The following TTLL9 variants were observed in gnomAD, a reference collection of about 807,000 sequenced individuals.
TTLL9 encodes tubulin tyrosine ligase like 9, also known as probable tubulin polyglutamylase TTLL9.
TTLL9 carries 47 observed loss-of-function variants against 65.6 expected under a neutral mutation model. The observed-to-expected ratio is 0.72, with a 90% CI of 0.57 to 0.91. The LOEUF is 0.91. Among genes scored for constraint, TTLL9 ranks in the 40% least tolerant of loss-of-function variants. The pLI is 0.00. For missense variants in TTLL9, 537 were observed against 568.8 expected, an observed-to-expected ratio of 0.94 and a Z score of 0.57; for synonymous variants, 179 against 204.8, an observed-to-expected ratio of 0.87 and a Z score of 1.07.
intron 2 of TTLL9, among the ~76,000 whole-genome samples, chr20:31,875,482 T>C (rs1182565769): frequency 2.0e-5 from 3 of 152,138 alleles, no homozygotes. Flanking sequence ...CTCCACTCTT[T>C]CCTAGTTACT....
chr20:31,911,826 C>CTGTGCG (rs942440456), intron 6 of TTLL9, among the ~76,000 whole-genome samples: 3 of 121,908 alleles, frequency 2.5e-5, no homozygotes, highest in Non-Finnish European at 5.1e-5. Flanking sequence ...CTCGGTGTGT[C>CTGTGCG]TGTGCGTGTG....
chr20:31,902,419 C>G (rs766586603), intron 4 of TTLL9, among the ~76,000 whole-genome samples: 1 of 152,094 alleles, frequency 6.6e-6, no homozygotes. Flanking sequence ...CTCGCTGTGT[C>G]GCCCAGGCTG....
chr20:31,901,451 T>C (rs750641496), intron 4 of TTLL9: 2 of 152,220 alleles, frequency 1.3e-5, no homozygotes, highest in Non-Finnish European at 2.9e-5. Context: ...GGCAATTTGA[T>C]GTCTTCCTGG....
In TTLL9 at chr20:31,908,616, T is replaced by G; in HGVS notation, c.232T>G (p.Cys78Gly). Residue 78 changes from cysteine (C) to glycine (G), a missense_variant, in exon 5 of 15, where the codon TGT becomes GGT. Cys to Gly is a radical substitution (Grantham distance 159). Transcript: ENST00000535842. Reference protein sequence around the residue: ...KDEGEWDFYWCDVSWLRENFD... With the variant: ...KDEGEWDFYWGDVSWLRENFD... ...CGAAGGGGAGTGGGATTTCTACTGG[T>G]GTGACGTCAGCTGGCTCCGGGAGAA... 1.2e-6 allele frequency: 2 copies of G among 1,601,008 alleles called. No individual in the cohort carries two copies. The highest frequency in any genetic ancestry group is 1.7e-6 in the Non-Finnish European group (2 of 1,171,542).
At chr20:31,876,785 C>T (rs532488702) in intron 2 of TTLL9, among the ~76,000 whole-genome samples, 3 of 152,198 alleles carry the variant, frequency 2.0e-5, no homozygotes, top group Non-Finnish European at 4.4e-5. Context: ...CGTTTCCCCA[C>T]GTCCTCACTA....
chr20:31,938,617 C>T (rs1009852689), intron 13 of TTLL9, among the ~76,000 whole-genome samples: 9 of 152,196 alleles, frequency 5.9e-5, no homozygotes, highest in African/African-American at 2.2e-4. Flanking sequence ...GTGGCTCACG[C>T]CTGTAATCCC....
At chr20:31,916,052 G>A (rs953536551) in intron 6 of TTLL9, among the ~76,000 whole-genome samples, 1 of 152,080 alleles carries the variant, frequency 6.6e-6, no homozygotes. Context: ...CTCACTGGCT[G>A]GGCTAGCAAG....
At chr20:31,887,855 C>CCTGTTCTCTTCTCTTCTCTT (rs1555807860) in intron 3 of TTLL9, among the ~76,000 whole-genome samples, 1 of 114,926 alleles carries the variant, frequency 8.7e-6, no homozygotes, top group East Asian at 2.5e-4. Flanking sequence ...TATCTCCTCT[C>CCTGTTCTCTTCTCTTCTCTT]CTCTTCTCTT....
At chr20:31,882,164 C>T (rs1045867120) in intron 2 of TTLL9, among the ~76,000 whole-genome samples, 6 of 152,254 alleles carry the variant, frequency 3.9e-5, no homozygotes, top group Admixed American at 6.5e-5. Context: ...GGTCAGAATA[C>T]CGCGTGTTCC....
At chr20:31,923,453 G>T (rs1312794190) in intron 8 of TTLL9, among the ~76,000 whole-genome samples, 1 of 152,216 alleles carries the variant, frequency 6.6e-6, no homozygotes, top group Non-Finnish European at 1.5e-5. Context: ...GTCCCATGCA[G>T]TGCTGGGTGC....
At chr20:31,907,586 T>C (rs764631085) in intron 4 of TTLL9, among the ~76,000 whole-genome samples, 2 of 152,046 alleles carry the variant, frequency 1.3e-5, no homozygotes, top group Admixed American at 6.6e-5. Flanking sequence ...CCAGTTGCGG[T>C]GGTGGGCACC....
At chr20:31,922,490 C>A (rs2063828921) in intron 7 of TTLL9, among the ~76,000 whole-genome samples, 1 of 152,206 alleles carries the variant, frequency 6.6e-6, no homozygotes, top group Admixed American at 6.5e-5. Flanking sequence ...CCCCATCTAC[C>A]TTCTATCTCT....
At chr20:31,871,087 TCTCA>T in intron 1 of TTLL9, 31 bp from the exon 2 acceptor site, 1 of 1,595,224 alleles carries the variant, frequency 6.3e-7, no homozygotes, top group Non-Finnish European at 8.6e-7. Context: ...TCATCCATCC[TCTCA>T]CTCCTTCCTT....
At chr20:31,930,369 G>A (rs973541764) in intron 10 of TTLL9, among the ~76,000 whole-genome samples, 1 of 152,114 alleles carries the variant, frequency 6.6e-6, no homozygotes, top group African/African-American at 2.4e-5. Flanking sequence ...GCAGAATTTT[G>A]CCTTAGAATT....
At chr20:31,912,994 CA>C (rs989333919) in intron 6 of TTLL9, among the ~76,000 whole-genome samples, 5 of 151,820 alleles carry the variant, frequency 3.3e-5, no homozygotes, top group African/African-American at 1.2e-4. Context: ...TTAGTCTCTA[CA>C]AAAAATACAA....
intron 9 of TTLL9, among the ~76,000 whole-genome samples, chr20:31,925,479 C>G (rs556900748): frequency 6.6e-6 from 1 of 152,304 alleles, no homozygotes; most frequent in South Asian, 2.1e-4. Context: ...AGCAGCAGAG[C>G]TGGCATTCAA....
intron 8 of TTLL9, among the ~76,000 whole-genome samples, chr20:31,924,742 C>T (rs921486967): frequency 6.6e-5 from 10 of 152,046 alleles, no homozygotes; most frequent in African/African-American, 1.4e-4. Flanking sequence ...CACCACCATG[C>T]GAGGCTAATT....
chr20:31,891,182 A>C (rs942801032), intron 3 of TTLL9, among the ~76,000 whole-genome samples: 1 of 152,104 alleles, frequency 6.6e-6, no homozygotes, highest in African/African-American at 2.4e-5. Context: ...AGGAGTTTCC[A>C]TTGTATTCCA....
At chr20:31,918,496 C>T (rs1047829244) in intron 6 of TTLL9, among the ~76,000 whole-genome samples, 10 of 152,094 alleles carry the variant, frequency 6.6e-5, no homozygotes, top group African/African-American at 2.4e-4. Flanking sequence ...CTCTGCCTCC[C>T]AGATAGCTGG....
Sources: allele counts gnomAD v4.1 joint callset (sites outside exome capture counted in the v4.1 genomes callset), GRCh38; gene constraint gnomAD v4.1.1; transcripts MANE v1.5; gene names NCBI Gene and HGNC (gene_info 2026-07-23, HGNC 2026-07-21).